RBFOX1: variants seen among roughly 807,000 people sequenced by gnomAD.
The protein encoded by RBFOX1 is RNA binding fox-1 homolog 1.
In RBFOX1, 8 loss-of-function variants were observed where a neutral mutation model predicts 57.7. That is an observed-to-expected ratio of 0.14 (90% CI 0.08 to 0.25). The LOEUF (loss-of-function observed/expected upper bound fraction) is 0.25. RBFOX1 is among the 10% of genes least tolerant of loss of function. The probability of loss-of-function intolerance (pLI) is 1.00; values close to 1 mark genes in which losing one functional copy is unlikely to be tolerated. For missense variants in RBFOX1, 611 were observed against 548.5 expected (o/e 1.11, Z -1.14); for synonymous variants, 326 against 222.4 (o/e 1.47, Z -4.15).
chr16:7,398,242 G>T (rs945491666), intron 4 of RBFOX1, among the ~76,000 whole-genome samples: 5 of 152,202 alleles, frequency 3.3e-5, no homozygotes, highest in African/African-American at 9.6e-5. Context: ...TATCACAGTG[G>T]CAGGAGCATA....
chr16:6,637,589 C>CTATATAGTATATATATAATAGTCTA (rs1567988394), intron 2 of RBFOX1, among the ~76,000 whole-genome samples: 1 of 143,002 alleles, frequency 7.0e-6, no homozygotes, highest in South Asian at 2.1e-4. Flanking sequence ...ATATAATAGT[C>CTATATAGTATATATATAATAGTCTA]TATATATATA....
intron 4 of RBFOX1, among the ~76,000 whole-genome samples, chr16:7,387,316 T>C (rs1211989735): frequency 2.0e-5 from 3 of 152,164 alleles, no homozygotes; most frequent in South Asian, 4.1e-4. Flanking sequence ...ATTTTATAGA[T>C]AAGAAAACTG....
chr16:6,800,894 T>G (rs549853576), intron 3 of RBFOX1, among the ~76,000 whole-genome samples: 8 of 152,286 alleles, frequency 5.3e-5, no homozygotes, highest in African/African-American at 1.9e-4. Context: ...TTAATTCACT[T>G]CAAGTGGAAA....
At chr16:6,852,431 G>T (rs1427554210) in intron 3 of RBFOX1, among the ~76,000 whole-genome samples, 1 of 152,120 alleles carries the variant, frequency 6.6e-6, no homozygotes, top group African/African-American at 2.4e-5. Context: ...TAAGTTTCAG[G>T]GATTTTTGAC....
intron 3 of RBFOX1, among the ~76,000 whole-genome samples, chr16:5,609,354 C>G (rs1220527660): frequency 6.6e-6 from 1 of 152,216 alleles, no homozygotes; most frequent in Non-Finnish European, 1.5e-5. Context: ...ATCCAGCCAT[C>G]TTACATTCTC....
At chr16:6,476,906 C>A (rs770605836) in intron 2 of RBFOX1, among the ~76,000 whole-genome samples, 1 of 152,174 alleles carries the variant, frequency 6.6e-6, no homozygotes, top group South Asian at 2.1e-4. Flanking sequence ...GTTGTCATTG[C>A]AACAAGGATC....
intron 4 of RBFOX1, among the ~76,000 whole-genome samples, chr16:7,058,455 T>TA (rs2053173286): frequency 6.6e-6 from 1 of 152,206 alleles, no homozygotes. Flanking sequence ...CCTACTGAGA[T>TA]AAAATCTAGA....
intron 4 of RBFOX1, among the ~76,000 whole-genome samples, chr16:7,344,966 AG>A (rs1296075110): frequency 6.6e-6 from 1 of 152,232 alleles, no homozygotes; most frequent in South Asian, 2.1e-4. Flanking sequence ...GCGGGCTGTC[AG>A]GAGGCCTTGT....
intron 2 of RBFOX1, among the ~76,000 whole-genome samples, chr16:6,578,902 G>T (rs2097489695): frequency 6.6e-6 from 1 of 151,948 alleles, no homozygotes; most frequent in African/African-American, 2.4e-5. Context: ...GGTGGGAGTG[G>T]GGTGAGGGTA....
chr16:5,459,456 G>A (rs963772568), intron 1 of RBFOX1, among the ~76,000 whole-genome samples: 1 of 152,090 alleles, frequency 6.6e-6, no homozygotes, highest in African/African-American at 2.4e-5. Context: ...CCAGATCCAT[G>A]CTTCCGTTTA....
intron 3 of RBFOX1, among the ~76,000 whole-genome samples, chr16:5,719,210 T>C (rs546776909): frequency 6.6e-6 from 1 of 150,434 alleles, no homozygotes; most frequent in African/African-American, 2.4e-5. Context: ...ATCTTTTTTT[T>C]TTTTTTTTTT....
At chr16:5,493,548 G>T (rs1353782370) in intron 2 of RBFOX1, among the ~76,000 whole-genome samples, 1 of 152,166 alleles carries the variant, frequency 6.6e-6, no homozygotes, top group Admixed American at 6.5e-5. Context: ...GTCCCCATTG[G>T]TTTACCCTGG....
At chr16:6,798,683 C>G (rs905159984) in intron 3 of RBFOX1, among the ~76,000 whole-genome samples, 1 of 152,144 alleles carries the variant, frequency 6.6e-6, no homozygotes, top group Non-Finnish European at 1.5e-5. Flanking sequence ...GTGCTTTTCA[C>G]TAATTAAGTT....
At chr16:7,050,388 A>T (rs901727139) in intron 3 of RBFOX1, among the ~76,000 whole-genome samples, 1 of 151,572 alleles carries the variant, frequency 6.6e-6, no homozygotes, top group East Asian at 1.9e-4. Context: ...GCTTCAGCCA[A>T]CTGAGTAGCT....
At chr16:5,629,091 A>C (rs193037561) in intron 3 of RBFOX1, among the ~76,000 whole-genome samples, 2 of 138,900 alleles carry the variant, frequency 1.4e-5, no homozygotes, top group African/African-American at 4.9e-5. Context: ...GAGAAAAGAA[A>C]AAAAGTGATG....
intron 1 of RBFOX1, among the ~76,000 whole-genome samples, chr16:5,248,605 T>TG (rs1190947437): frequency 6.6e-6 from 1 of 151,404 alleles, no homozygotes; most frequent in South Asian, 2.1e-4. Flanking sequence ...GTGGAGCGCT[T>TG]GGGGGGTGGT....
intron 3 of RBFOX1, among the ~76,000 whole-genome samples, chr16:5,686,036 A>T (rs1195848391): frequency 3.0e-4 from 46 of 152,178 alleles, no homozygotes; most frequent in Non-Finnish European, 1.3e-4. Context: ...TCTCTTTTTA[A>T]TTTGATACTG....
chr16:7,355,637 C>T (rs531911398), intron 4 of RBFOX1, among the ~76,000 whole-genome samples: 4 of 152,188 alleles, frequency 2.6e-5, no homozygotes, highest in African/African-American at 4.8e-5. Flanking sequence ...TACAGGTCCA[C>T]TCTATCATTC....
intron 4 of RBFOX1, among the ~76,000 whole-genome samples, chr16:7,105,248 G>A (rs553832805): frequency 6.6e-6 from 1 of 151,906 alleles, no homozygotes; most frequent in East Asian, 1.9e-4. Context: ...AACCTATGGA[G>A]GCCAATCCTT....
Sources: gnomAD v4.1 joint callset for allele counts (sites outside exome capture counted in the v4.1 genomes callset) on GRCh38, gnomAD v4.1.1 for gene constraint, MANE v1.5 for transcripts, NCBI Gene and HGNC (gene_info 2026-07-23, HGNC 2026-07-21) for gene names.